The following CPED1 variants were observed in gnomAD, a reference collection of about 807,000 sequenced individuals.
CPED1 encodes the protein cadherin like and PC-esterase domain containing 1.
A neutral mutation model predicts 128.2 loss-of-function variants in CPED1; 114 were observed. That is an observed-to-expected ratio of 0.89 (90% CI 0.76 to 1.04). The LOEUF (loss-of-function observed/expected upper bound fraction) is 1.04, where lower values mean the gene tolerates loss of function less well. Ranked by LOEUF, CPED1 falls within the 50% of genes least tolerant of loss-of-function variation. The pLI is 0.00. For synonymous variants in CPED1, 462 were observed against 426.7 expected, an observed-to-expected ratio of 1.08 and a Z score of -1.02; for missense variants, 1,211 against 1,207.1, an observed-to-expected ratio of 1.00 and a Z score of -0.05.
intron 22 of CPED1, among the ~76,000 whole-genome samples, chr7:121,289,296 C>A (rs1317076451): frequency 1.3e-5 from 2 of 152,108 alleles, no homozygotes; most frequent in Non-Finnish European, 2.9e-5. Context: ...ATTATTGTTT[C>A]ATTTTTTCTT....
chr7:121,059,839 C>A (rs1237842499), intron 4 of CPED1, among the ~76,000 whole-genome samples: 1 of 152,222 alleles, frequency 6.6e-6, no homozygotes. Flanking sequence ...TCGCTCTCGG[C>A]GCCTCCTCTG....
chr7:121,019,583 G>A (rs1400397023), intron 3 of CPED1, among the ~76,000 whole-genome samples: 2 of 152,014 alleles, frequency 1.3e-5, no homozygotes, highest in Non-Finnish European at 2.9e-5. Flanking sequence ...CAATGCAACA[G>A]TCTGCTTGCT....
At chr7:121,273,753 G>A (rs1412977253) in intron 22 of CPED1, among the ~76,000 whole-genome samples, 1 of 152,146 alleles carries the variant, frequency 6.6e-6, no homozygotes, top group African/African-American at 2.4e-5. Context: ...TTGCAGAACA[G>A]ATTTTAAGCT....
intron 4 of CPED1, among the ~76,000 whole-genome samples, chr7:121,047,530 A>G (rs1240971052): frequency 6.6e-6 from 1 of 152,096 alleles, no homozygotes; most frequent in Non-Finnish European, 1.5e-5. Flanking sequence ...TGATACCTAT[A>G]ACGAATCTGT....
At chr7:121,040,191 T>A (rs916817725) in intron 3 of CPED1, among the ~76,000 whole-genome samples, 4 of 152,094 alleles carry the variant, frequency 2.6e-5, no homozygotes, top group African/African-American at 9.6e-5. Context: ...ACCAGATTTA[T>A]TTAGATTTTG....
At chr7:121,233,928 C>A (rs1798194085) in intron 16 of CPED1, among the ~76,000 whole-genome samples, 1 of 151,958 alleles carries the variant, frequency 6.6e-6, no homozygotes, top group Non-Finnish European at 1.5e-5. Flanking sequence ...GCTTCATGGC[C>A]ACAAGATGGC....
At chr7:121,138,468 G>A (rs1316406160) in intron 14 of CPED1, among the ~76,000 whole-genome samples, 1 of 152,060 alleles carries the variant, frequency 6.6e-6, no homozygotes, top group Non-Finnish European at 1.5e-5. Context: ...TCAGCTTTCA[G>A]ACAGGGGTTT....
chr7:121,193,527 T>C (rs1797194836), intron 16 of CPED1, among the ~76,000 whole-genome samples: 2 of 152,282 alleles, frequency 1.3e-5, no homozygotes, highest in South Asian at 2.1e-4. Flanking sequence ...CTTTAATTGC[T>C]TCTTCTCATG....
rs776108655 is a variant in CPED1, at chr7:121,130,224, TG to T, written c.1509del (p.Trp503CysfsTer4). 1 of 1,612,226 alleles carries T rather than the reference TG, an allele frequency of 6.2e-7. No individual in the cohort carries two copies. Among genetic ancestry groups the T allele is most frequent in the Non-Finnish European group, 8.5e-7 (1 of 1,178,908 alleles). On this transcript the variant is annotated frameshift_variant, in exon 12 of 23. Coordinates refer to ENST00000310396, the MANE Select transcript of CPED1 (RefSeq NM_024913.5). LOFTEE classifies it high-confidence loss of function. ...TCCTGGCTCAGTCCTGACCCAATAC[TG>T]GTCTCTTTTAAATGTATTTGAACAA... ...GNPGSVLTQYWSLLNVFEQFQ... is the reference protein window; with the variant it reads ...GNPGSVLTQYXSLLNVFEQFQ...
At chr7:121,140,252 A>G (rs1795870950) in intron 14 of CPED1, among the ~76,000 whole-genome samples, 1 of 152,098 alleles carries the variant, frequency 6.6e-6, no homozygotes, top group South Asian at 2.1e-4. Context: ...ACTTTATGGT[A>G]CTTTCCCAAG....
At position 121,209,317 on chromosome 7, in the gene CPED1, T is replaced by C. The variant is rs139792144; in HGVS notation, c.2056-27397T>C. Among the ~76,000 whole-genome samples the C allele has an allele frequency of 5.5e-3, 835 of 152,124 alleles. 7 individuals are homozygous for C. Among genetic ancestry groups the C allele is most frequent in the African/African-American group, 0.019 (770 of 41,534 alleles). On this transcript the variant is annotated intron_variant, in intron 16 of 22. Transcript: ENST00000310396. Reference sequence around the variant, plus strand: ...ATGGATTTTTCTGGTCATGGGTTCTTTAACAGATAGTTAAAGATATGTCAT... The same window carrying C: ...ATGGATTTTTCTGGTCATGGGTTCTCTAACAGATAGTTAAAGATATGTCAT...
chr7:121,014,323 T>C (rs899147399), intron 2 of CPED1, among the ~76,000 whole-genome samples: 6 of 152,090 alleles, frequency 3.9e-5, no homozygotes, highest in African/African-American at 1.2e-4. Context: ...GAGGCCGAGG[T>C]GGGCGGATCA....
rs114255561 is a variant in CPED1 at position 121,247,596 on chromosome 7, T to A, written c.2310+3258T>A. 6.6e-3 allele frequency among the ~76,000 whole-genome samples: 1,000 copies of A among 152,036 alleles called. 13 individuals are homozygous for A. The highest frequency in any genetic ancestry group is 0.023 in the African/African-American group (961 of 41,474). ...GGGCTAGTTCCCAGCCCTGAATGGG[T>A]CCCGGGGAATAGATGAGTGAAGGAA... On this transcript the variant is annotated intron_variant, in intron 18 of 22. Coordinates refer to ENST00000310396, the MANE Select transcript of CPED1 (RefSeq NM_024913.5).
At chr7:121,044,648 C>CTTTTTTTTTTGTTTTTTTTTTTT (rs35159862) in intron 3 of CPED1, among the ~76,000 whole-genome samples, 1 of 69,540 alleles carries the variant, frequency 1.4e-5, no homozygotes, top group Non-Finnish European at 2.8e-5. Flanking sequence ...TGACTTTCTG[C>CTTTTTTTTTTGTTTTTTTTTTTT]TCTTTTTTTT....
intron 16 of CPED1, among the ~76,000 whole-genome samples, chr7:121,234,035 T>C (rs1486284446): frequency 6.6e-6 from 1 of 152,104 alleles, no homozygotes; most frequent in Non-Finnish European, 1.5e-5. Context: ...TTTCTAGAAC[T>C]CCCTAGCTGG....
At chr7:121,244,479 C>A in intron 18 of CPED1, 141 bp downstream of exon 18, 2 of 810,548 alleles carry the variant, frequency 2.5e-6, no homozygotes, top group Non-Finnish European at 3.9e-6. Context: ...CTTTTTGAAT[C>A]ATGTATAGAT....
chr7:121,028,680 T>G (rs1792657614), intron 3 of CPED1, among the ~76,000 whole-genome samples: 2 of 152,210 alleles, frequency 1.3e-5, no homozygotes, highest in African/African-American at 4.8e-5. Context: ...GATGATACTG[T>G]GGAAAAAACA....
chr7:121,254,596 T>C (rs903753184), intron 18 of CPED1, among the ~76,000 whole-genome samples: 4 of 151,738 alleles, frequency 2.6e-5, no homozygotes, highest in Non-Finnish European at 4.4e-5. Flanking sequence ...GTAAAAATCC[T>C]TACAAAAGAT....
chr7:121,293,675 A>C (rs1792760195), intron 22 of CPED1, among the ~76,000 whole-genome samples: 1 of 152,122 alleles, frequency 6.6e-6, no homozygotes, highest in African/African-American at 2.4e-5. Flanking sequence ...CGGGTTGCGA[A>C]GACTGGGGTA....
Sources: gnomAD v4.1 joint callset for allele counts (sites outside exome capture counted in the v4.1 genomes callset) on GRCh38, gnomAD v4.1.1 for gene constraint, MANE v1.5 for transcripts, NCBI Gene and HGNC (gene_info 2026-07-23, HGNC 2026-07-21) for gene names.